NPHS2: variants seen among roughly 807,000 people sequenced by gnomAD.
The protein encoded by NPHS2 is podocin.
In NPHS2, 36 loss-of-function variants were observed where a neutral mutation model predicts 37.1. The ratio of observed to expected loss-of-function variants is 0.97; its 90% CI spans 0.74 to 1.28. The LOEUF is 1.28. Ranked by LOEUF, NPHS2 falls within the 50% of genes most tolerant of loss-of-function variation. NPHS2 has a pLI of 0.00. For synonymous variants in NPHS2, 196 were observed against 189.3 expected (o/e 1.04, Z -0.29); for missense variants, 447 against 488.1 (o/e 0.92, Z 0.79).
chr1:179,570,992 T>A (rs1197686085), intron 1 of NPHS2, among the ~76,000 whole-genome samples: 5 of 152,200 alleles, frequency 3.3e-5, no homozygotes, highest in Admixed American at 3.3e-4. Flanking sequence ...TTAAGCTTCC[T>A]TGCGATGGGT....
chr1:179,575,372 A>T (rs1214518026), intron 1 of NPHS2, among the ~76,000 whole-genome samples: 1 of 152,122 alleles, frequency 6.6e-6, no homozygotes, highest in African/African-American at 2.4e-5. Context: ...GCTGGCCCCG[A>T]GACCAGTATA....
chr1:179,552,669 C>T lies in NPHS2; in HGVS notation c.807G>A (p.Arg269=), dbSNP rs770495227. ...KVERIEIKDV[R]LPAGLQHSLA... is the part of the protein sequence containing the mutation. Reference sequence around the variant, plus strand: ...GTGAGTGCTGAAGCCCAGCTGGCAACCTCACATCTTTACTGAAAAAGAAAG... The same window carrying T: ...GTGAGTGCTGAAGCCCAGCTGGCAATCTCACATCTTTACTGAAAAAGAAAG... The change falls in exon 7 of 8, where the codon AGG becomes AGA. Residue 269 remains arginine, a synonymous_variant. Transcript: ENST00000367615. 6.2e-7 allele frequency: 1 copy of T among 1,613,862 alleles called. No homozygotes were observed. Among genetic ancestry groups the T allele is most frequent in the Non-Finnish European group, 8.5e-7 (1 of 1,179,864 alleles).
chr1:179,572,383 A>G (rs1020517729), intron 1 of NPHS2, among the ~76,000 whole-genome samples: 3 of 152,234 alleles, frequency 2.0e-5, no homozygotes, highest in Non-Finnish European at 4.4e-5. Context: ...ACTAATATGT[A>G]TAAAAAAGTG....
chr1:179,575,894 A>AGCGCGGGAGCGCTAGGG lies in NPHS2; in HGVS notation c.-47_-31dup, dbSNP rs1325911599. The AGCGCGGGAGCGCTAGGG allele has an allele frequency of 1.0e-4, 143 of 1,377,736 alleles. No homozygotes were observed. Among genetic ancestry groups the AGCGCGGGAGCGCTAGGG allele is most frequent in the Non-Finnish European group, 1.2e-4 (128 of 1,074,344 alleles). 85.3% of individuals were successfully genotyped at this position (1,377,736 alleles called of 1,614,324 possible). ...AGAGCTGCCGGGCGGCTGGAGCAGC[A>AGCGCGGGAGCGCTAGGG]GCGCGGGAGCGCTAGGGGCACGGGA... On this transcript the variant is annotated 5_prime_UTR_variant, in exon 1 of 8. Transcript: ENST00000367615.
At chr1:179,566,657 G>A (rs1231672022) in intron 1 of NPHS2, among the ~76,000 whole-genome samples, 5 of 152,022 alleles carry the variant, frequency 3.3e-5, no homozygotes, top group Admixed American at 1.3e-4. Context: ...TGTTCTGAAC[G>A]GTATTGCCTA....
intron 2 of NPHS2, among the ~76,000 whole-genome samples, chr1:179,563,766 T>C (rs573786720): frequency 2.6e-5 from 4 of 151,802 alleles, no homozygotes; most frequent in African/African-American, 9.7e-5. Flanking sequence ...TTGAGATAAA[T>C]GAAAACAAAA....
chr1:179,554,057 C>T (rs1429606729), intron 6 of NPHS2, among the ~76,000 whole-genome samples: 2 of 151,948 alleles, frequency 1.3e-5, no homozygotes, highest in Non-Finnish European at 2.9e-5. Context: ...GGATTACAGG[C>T]ATGTGCTACC....
chr1:179,565,906 C>G (rs2101873056), intron 1 of NPHS2, among the ~76,000 whole-genome samples: 1 of 152,232 alleles, frequency 6.6e-6, no homozygotes, highest in South Asian at 2.1e-4. Context: ...TGAACTCATC[C>G]TTTTTTATGG....
intron 2 of NPHS2, among the ~76,000 whole-genome samples, chr1:179,564,368 T>G (rs1158398644): frequency 6.6e-6 from 1 of 152,166 alleles, no homozygotes; most frequent in Non-Finnish European, 1.5e-5. Context: ...GTGGAGTGGA[T>G]GTCATGATCC....
intron 1 of NPHS2, among the ~76,000 whole-genome samples, chr1:179,571,474 G>T (rs1674553138): frequency 1.3e-5 from 2 of 152,302 alleles, no homozygotes; most frequent in East Asian, 3.9e-4. Context: ...TATATGAGGT[G>T]TCTGTTGGCC....
rs1332222703 is a variant in NPHS2, at chr1:179,550,590, C to T, written c.*583G>A. 6.5e-6 allele frequency: 1 copy of T among 153,208 alleles called. No homozygotes were observed. Among genetic ancestry groups the T allele is most frequent in the African/African-American group, 2.4e-5 (1 of 41,434 alleles). The allele number at this position is 153,208 out of a possible 1,614,324, so 9.5% of individuals were successfully genotyped here. ...TAAATTGTATATCCGACTCCAAGTACATCTCTCTTTTTTGCATTCACTCTG... is the reference window on the plus strand; with the variant it reads ...TAAATTGTATATCCGACTCCAAGTATATCTCTCTTTTTTGCATTCACTCTG... On this transcript the variant is annotated 3_prime_UTR_variant, in exon 8 of 8. Coordinates refer to ENST00000367615, the MANE Select transcript of NPHS2 (RefSeq NM_014625.4).
intron 6 of NPHS2, 108 bp from the exon 7 acceptor site, chr1:179,552,789 AAT>A: frequency 1.2e-6 from 1 of 845,318 alleles, no homozygotes; most frequent in Non-Finnish European, 2.0e-6. Context: ...ATGAGTAGCA[AAT>A]TTGGAGTGAC....
chr1:179,571,840 T>C (rs1370967747), intron 1 of NPHS2, among the ~76,000 whole-genome samples: 1 of 152,182 alleles, frequency 6.6e-6, no homozygotes, highest in Non-Finnish European at 1.5e-5. Context: ...GCGCTAGCAG[T>C]GAGCAAGGCT....
intron 1 of NPHS2, among the ~76,000 whole-genome samples, chr1:179,574,591 G>A (rs1558354393): frequency 1.3e-5 from 2 of 152,150 alleles, no homozygotes; most frequent in Non-Finnish European, 2.9e-5. Flanking sequence ...CAGTATTAAC[G>A]TGACCCATTT....
intron 7 of NPHS2, chr1:179,551,677 A>AAATG: frequency 1.8e-6 from 1 of 566,272 alleles, no homozygotes; most frequent in Non-Finnish European, 3.1e-6. Flanking sequence ...TCACAAGTAT[A>AAATG]AATGAAGTAT....
Position 179,575,923 on chromosome 1 carries a change from C to CT in NPHS2, c.-60_-59insA. On this transcript the variant is annotated 5_prime_UTR_variant, in exon 1 of 8. Coordinates refer to ENST00000367615, the MANE Select transcript of NPHS2 (RefSeq NM_014625.4). Reference sequence around the variant, plus strand: ...CGGGAGCGCTAGGGGCACGGGAGCGCAGTCCCTGTGGAGTCGCTGCGGGTC... The same window carrying CT: ...CGGGAGCGCTAGGGGCACGGGAGCGCTAGTCCCTGTGGAGTCGCTGCGGGTC... 1 of 1,342,190 alleles carries CT rather than the reference C, an allele frequency of 7.5e-7. No individual in the cohort carries two copies. Among genetic ancestry groups the CT allele is most frequent in the Non-Finnish European group, 9.5e-7 (1 of 1,051,824 alleles). 83.1% of individuals were successfully genotyped at this position (1,342,190 alleles called of 1,614,324 possible).
chr1:179,575,256 G>T (rs968181186), intron 1 of NPHS2, among the ~76,000 whole-genome samples: 3 of 152,150 alleles, frequency 2.0e-5, no homozygotes, highest in Non-Finnish European at 4.4e-5. Flanking sequence ...ACTTAAATTA[G>T]GTGCCCGTAT....
At chr1:179,569,776 G>C (rs1471710484) in intron 1 of NPHS2, among the ~76,000 whole-genome samples, 3 of 152,134 alleles carry the variant, frequency 2.0e-5, no homozygotes, top group African/African-American at 7.2e-5. Context: ...TGTCTGTAAA[G>C]GATTTTATTT....
At chr1:179,554,423 A>G in intron 6 of NPHS2, 53 bp downstream of exon 6, 1 of 1,608,656 alleles carries the variant, frequency 6.2e-7, no homozygotes, top group African/African-American at 1.3e-5. Context: ...TTAAAATGAA[A>G]CCAGAATATT....
Sources: allele counts gnomAD v4.1 joint callset (sites outside exome capture counted in the v4.1 genomes callset), GRCh38; gene constraint gnomAD v4.1.1; transcripts MANE v1.5; gene names NCBI Gene and HGNC (gene_info 2026-07-23, HGNC 2026-07-21).